FBXO10: variants seen among roughly 807,000 people sequenced by gnomAD.
FBXO10 encodes F-box only protein 10.
In FBXO10, 39 loss-of-function variants were observed where a neutral mutation model predicts 80.7. That is an observed-to-expected ratio of 0.48 (90% CI 0.37 to 0.63). The LOEUF (loss-of-function observed/expected upper bound fraction) is 0.63, where lower values mean the gene tolerates loss of function less well. FBXO10 is among the 30% of genes least tolerant of loss of function. FBXO10 has a pLI of 0.00. For missense variants in FBXO10, 1,025 were observed against 1,269.0 expected, an observed-to-expected ratio of 0.81 and a Z score of 2.92; for synonymous variants, 449 against 489.6, an observed-to-expected ratio of 0.92 and a Z score of 1.09.
chr9:37,519,055 A>G (rs375824824), intron 8 of FBXO10, among the ~76,000 whole-genome samples: 171 of 151,496 alleles, frequency 1.1e-3, no homozygotes, highest in Middle Eastern at 0.01. Flanking sequence ...GACTACAGGC[A>G]CCCGCCACCA....
chr9:37,537,909 T>C lies in FBXO10; in HGVS notation c.620A>G (p.Asn207Ser), dbSNP rs750439895. 4 of 1,613,924 alleles carry C rather than the reference T, an allele frequency of 2.5e-6. No individual in the cohort carries two copies. The highest frequency in any genetic ancestry group is 2.5e-6 in the Non-Finnish European group (3 of 1,179,860). ...TSGHVQFDNC[N>S]FENGHIQVHG... is the part of the protein sequence containing the mutation. ...GACCTGGATGTGCCCGTTCTCAAAG[T>C]TGCAGTTGTCAAACTGGACGTGACC... is the stretch of plus-strand genomic sequence containing the variant. Residue 207 changes from asparagine to serine, a missense_variant, in exon 3 of 11, where the codon AAC (asparagine) becomes AGC (serine). This residue lies in a region of FBXO10 where 450 missense variants were observed against 499.4 expected (regional missense o/e 0.90). Transcript: ENST00000432825.
At chr9:37,531,707 A>T (rs1821627167) in intron 4 of FBXO10, among the ~76,000 whole-genome samples, 1 of 152,124 alleles carries the variant, frequency 6.6e-6, no homozygotes, top group African/African-American at 2.4e-5. Flanking sequence ...TAACGGGGAG[A>T]TGACCAGAAA....
At chr9:37,549,648 T>C (rs1822141866) in intron 1 of FBXO10, among the ~76,000 whole-genome samples, 1 of 152,236 alleles carries the variant, frequency 6.6e-6, no homozygotes, top group South Asian at 2.1e-4. Context: ...ATCTTTTCTT[T>C]ACAATTTATT....
intron 4 of FBXO10, among the ~76,000 whole-genome samples, chr9:37,530,517 A>G (rs1242676520): frequency 6.6e-6 from 1 of 152,226 alleles, no homozygotes; most frequent in African/African-American, 2.4e-5. Context: ...CAGAGGGGCA[A>G]TAATTTCCTA....
In FBXO10 at chr9:37,518,193, C is replaced by T. The variant is rs769065168; in HGVS notation, c.2446G>A (p.Val816Ile). 7.4e-6 allele frequency: 12 copies of T among 1,614,076 alleles called. No homozygotes were observed. The highest frequency in any genetic ancestry group is 8.5e-6 in the Non-Finnish European group (10 of 1,179,900). The change falls in exon 9 of 11, where the codon GTC (valine) becomes ATC (isoleucine). Residue 816 changes from valine to isoleucine, a missense_variant. Physicochemically the swap from Val to Ile is conservative, Grantham distance 29. Around this residue, in one of 3 missense-constraint regions of FBXO10, gnomAD observed 478 missense variants for 667.8 expected, o/e 0.72. Coordinates refer to ENST00000432825, the MANE Select transcript of FBXO10 (RefSeq NM_012166.3). ...GIITKGDSTIVIENDIIGNRG... is the reference protein window; with the variant it reads ...GIITKGDSTIIIENDIIGNRG... ...TTGCCAATGATATCGTTTTCAATGA[C>T]GATGGTGCTGTCGCCCTTGGTGATA... is the stretch of plus-strand genomic sequence containing the variant.
At chr9:37,541,839 T>A in intron 1 of FBXO10, 65 bp from the exon 2 acceptor site, 2 of 1,348,314 alleles carry the variant, frequency 1.5e-6, no homozygotes, top group South Asian at 3.0e-5. Flanking sequence ...CCCTTTTTTA[T>A]TTTTTTGAGA....
chr9:37,556,952 A>C (rs1563886724), intron 1 of FBXO10, among the ~76,000 whole-genome samples: 1 of 152,104 alleles, frequency 6.6e-6, no homozygotes, highest in African/African-American at 2.4e-5. Flanking sequence ...CCTCCACTGG[A>C]TTGTTTACGA....
At chr9:37,522,238 G>T in intron 7 of FBXO10, 2 of 618,838 alleles carry the variant, frequency 3.2e-6, no homozygotes, top group Non-Finnish European at 4.1e-6. Flanking sequence ...ACCTCTCTCT[G>T]TCCCTCAGTT....
At chr9:37,561,683 T>C (rs1822487778) in intron 1 of FBXO10, among the ~76,000 whole-genome samples, 2 of 152,224 alleles carry the variant, frequency 1.3e-5, no homozygotes, top group South Asian at 4.1e-4. Context: ...GTTGATTGCC[T>C]ATGTGCCAAG....
chr9:37,554,566 C>A (rs538922998), intron 1 of FBXO10, among the ~76,000 whole-genome samples: 1 of 152,298 alleles, frequency 6.6e-6, no homozygotes, highest in African/African-American at 2.4e-5. Context: ...TCAAGTTCCA[C>A]CCCCGACCCC....
chr9:37,527,437 C>T (rs1382851389), intron 5 of FBXO10, among the ~76,000 whole-genome samples: 2 of 152,178 alleles, frequency 1.3e-5, no homozygotes, highest in African/African-American at 4.8e-5. Context: ...TATCTCGTGT[C>T]CAAACACACC....
At position 37,521,719 on chromosome 9, in the gene FBXO10, C is replaced by T. The variant is rs758388367; in HGVS notation, c.2050G>A (p.Glu684Lys). Residue 684 changes from glutamate to lysine, a missense_variant, in exon 8 of 11, where the codon GAG becomes AAG. By Grantham distance (56) the Glu-to-Lys change is moderately conservative (BLOSUM62 1). Transcript: ENST00000432825. The part of the protein sequence containing the change: ...AVFSQKDGSS[E>K]LPRGHRAQEN... The stretch of plus-strand genomic sequence containing the variant: ...TGAGCCCTGTGGCCTCGAGGTAACT[C>T]GCTGGAGCCATCCTTCTGGCTAAAT... 118 of 1,613,844 alleles carry T rather than the reference C, an allele frequency of 7.3e-5. No individual in the cohort carries two copies. The highest frequency in any genetic ancestry group is 8.4e-5 in the Non-Finnish European group (99 of 1,179,892).
At chr9:37,519,213 A>G (rs1228038037) in intron 8 of FBXO10, among the ~76,000 whole-genome samples, 3 of 152,208 alleles carry the variant, frequency 2.0e-5, no homozygotes, top group Admixed American at 6.5e-5. Flanking sequence ...CTGGCCGGAA[A>G]TTTTCTTCTT....
intron 1 of FBXO10, among the ~76,000 whole-genome samples, chr9:37,551,279 C>T (rs13291473): frequency 0.16 from 25,074 of 152,232 alleles, 2,179 homozygotes; most frequent in Middle Eastern, 0.25. Flanking sequence ...GCCCACACAG[C>T]TCTGAAGGGT....
At position 37,515,937 on chromosome 9, in the gene FBXO10, A is replaced by G. The variant is rs370633059; in HGVS notation, c.2663T>C (p.Met888Thr). The stretch of plus-strand genomic sequence containing the variant: ...GAAGACCAGGAACTTGTTGTTTTGC[A>G]TGATGCATTCTCGGTTGTTTGAGAT... The part of the protein sequence containing the change: ...QQISNNRECI[M>T]QNNKFLVFKK... The change falls in exon 10 of 11, where the codon ATG becomes ACG. Residue 888 changes from methionine to threonine, a missense_variant. By Grantham distance (81) the Met-to-Thr change is moderately conservative. Coordinates refer to ENST00000432825, the MANE Select transcript of FBXO10 (RefSeq NM_012166.3). 9.8e-5 allele frequency: 158 copies of G among 1,613,688 alleles called. No homozygotes were observed. The highest frequency in any genetic ancestry group is 4.9e-4 in the Middle Eastern group (3 of 6,082).
intron 10 of FBXO10, 24 bp downstream of exon 10, chr9:37,515,880 G>A (rs753221601): frequency 6.2e-6 from 10 of 1,608,040 alleles, no homozygotes; most frequent in Admixed American, 1.7e-5. Context: ...TAGAGGACTC[G>A]TTCAGGCAAC....
intron 1 of FBXO10, among the ~76,000 whole-genome samples, chr9:37,572,369 T>A (rs1431401275): frequency 6.6e-6 from 1 of 152,182 alleles, no homozygotes. Flanking sequence ...CTTGTTCAAA[T>A]ACATCAGAAA....
chr9:37,575,443 T>A (rs946735871), intron 1 of FBXO10: 4 of 152,242 alleles, frequency 2.6e-5, no homozygotes, highest in Admixed American at 2.0e-4. Context: ...AACAGCATTA[T>A]CTACTGAGGC....
intron 1 of FBXO10, among the ~76,000 whole-genome samples, chr9:37,565,475 T>G: frequency 6.6e-6 from 1 of 152,140 alleles, no homozygotes. Context: ...TTCATCCTAT[T>G]CCCTGAAGAT....
Sources: allele counts gnomAD v4.1 joint callset (sites outside exome capture counted in the v4.1 genomes callset), GRCh38; gene constraint gnomAD v4.1.1; regional missense constraint gnomAD v4.1.1; transcripts MANE v1.5; gene names NCBI Gene and HGNC (gene_info 2026-07-23, HGNC 2026-07-21).